The following VGLL4 variants were observed in gnomAD, a reference collection of about 807,000 sequenced individuals.
VGLL4 encodes vestigial like family member 4, also known as transcription cofactor vestigial-like protein 4.
VGLL4 carries 7 observed loss-of-function variants against 21.0 expected under a neutral mutation model. That is an observed-to-expected ratio of 0.33 (90% CI 0.19 to 0.63). The LOEUF is 0.63. VGLL4 is among the 20% of genes least tolerant of loss of function. VGLL4 has a pLI of 0.78. For missense variants in VGLL4, 394 were observed against 425.7 expected, an observed-to-expected ratio of 0.93 and a Z score of 0.66; for synonymous variants, 222 against 173.2, an observed-to-expected ratio of 1.28 and a Z score of -2.21.
chr3:11,623,112 A>G (rs1401408189), intron 1 of VGLL4, among the ~76,000 whole-genome samples: 2 of 152,170 alleles, frequency 1.3e-5, no homozygotes, highest in Non-Finnish European at 2.9e-5. Flanking sequence ...CCTCATACAT[A>G]TCCAAATCCT....
At chr3:11,579,142 C>T (rs2074151235) in intron 2 of VGLL4, among the ~76,000 whole-genome samples, 1 of 149,830 alleles carries the variant, frequency 6.7e-6, no homozygotes. Flanking sequence ...TGAACTGCCT[C>T]TGAGCATCCA....
At chr3:11,617,090 T>TA (rs1306836169) in intron 1 of VGLL4, among the ~76,000 whole-genome samples, 1 of 152,196 alleles carries the variant, frequency 6.6e-6, no homozygotes, top group South Asian at 2.1e-4. Flanking sequence ...TTTATTTTTT[T>TA]AAAAAAAGAG....
rs537894147 is a variant in VGLL4, at chr3:11,568,153, G to A, written c.273-3134C>T. ...TCCGGGCAAGGATAAAGACACCCCCGGGTGGCATGGAGGAGCAGACTAAAG... is the reference window on the plus strand; with the variant it reads ...TCCGGGCAAGGATAAAGACACCCCCAGGTGGCATGGAGGAGCAGACTAAAG... On this transcript the variant is annotated intron_variant, in intron 2 of 4. Coordinates refer to ENST00000430365, the MANE Select transcript of VGLL4 (RefSeq NM_001128219.3). This position sits in a 1 kb window ranked among gnomAD's most constrained non-coding sequence, Gnocchi z 5.9. Among the ~76,000 whole-genome samples, 5 of 152,200 alleles carry A rather than the reference G, an allele frequency of 3.3e-5. No homozygotes were observed. The highest frequency in any genetic ancestry group is 6.5e-5 in the Admixed American group (1 of 15,286).
intron 2 of VGLL4, chr3:11,671,242 A>G: frequency 6.4e-7 from 1 of 1,558,990 alleles, no homozygotes; most frequent in Non-Finnish European, 8.6e-7. Flanking sequence ...AAAATGTGAA[A>G]ATCAAAAGAA....
chr3:11,667,911 T>C (rs1271404593), intron 2 of VGLL4, among the ~76,000 whole-genome samples: 1 of 131,126 alleles, frequency 7.6e-6, no homozygotes, highest in African/African-American at 3.0e-5. Context: ...TAGAGTGAAG[T>C]GGCGTGATCT....
upstream of VGLL4, among the ~76,000 whole-genome samples, chr3:11,644,106 A>G (rs1354309188): frequency 1.3e-5 from 2 of 152,208 alleles, no homozygotes; most frequent in Non-Finnish European, 2.9e-5. Context: ...GGCTCTTGAC[A>G]GGAAGCAGCC....
At chr3:11,581,766 C>G (rs1212800757) in intron 2 of VGLL4, among the ~76,000 whole-genome samples, 1 of 152,132 alleles carries the variant, frequency 6.6e-6, no homozygotes, top group Non-Finnish European at 1.5e-5. Context: ...CTTTTATTTC[C>G]CTTGTAATTT....
intron 1 of VGLL4, chr3:11,610,811 T>C (rs2075046668): frequency 6.6e-6 from 1 of 152,252 alleles, no homozygotes; most frequent in African/African-American, 2.4e-5. Context: ...CTATACTTTG[T>C]AGAAGCCTTC....
rs141690478 is a variant in VGLL4, at chr3:11,702,374, C to T, written c.64+597G>A. 7.9e-3 allele frequency among the ~76,000 whole-genome samples: 1,183 copies of T among 149,850 alleles called. 15 individuals are homozygous for T. Among genetic ancestry groups the T allele is most frequent in the African/African-American group, 0.028 (1,124 of 40,588 alleles). On this transcript the variant is annotated intron_variant, in intron 2 of 5. Transcript: ENST00000273038. Reference sequence around the variant, plus strand: ...TGTGTAATCCCAGAATTTTGGGAGGCCGAGGTAGACGGATCATTTGAGGTC... The same window carrying T: ...TGTGTAATCCCAGAATTTTGGGAGGTCGAGGTAGACGGATCATTTGAGGTC...
chr3:11,558,534 G>A lies in VGLL4; in HGVS notation c.*22C>T, dbSNP rs1301228010. On this transcript the variant is annotated 3_prime_UTR_variant, in exon 5 of 5. Coordinates refer to ENST00000430365, the MANE Select transcript of VGLL4 (RefSeq NM_001128219.3). Reference sequence around the variant, plus strand: ...TCAGGCAAACCATGCAGATCCACGTGTTGTTGGAGGAGGCGCTCCCTTCAG... The same window carrying A: ...TCAGGCAAACCATGCAGATCCACGTATTGTTGGAGGAGGCGCTCCCTTCAG... The A allele has an allele frequency of 6.3e-7, 1 of 1,581,004 alleles. No individual in the cohort carries two copies. The highest frequency in any genetic ancestry group is 8.6e-7 in the Non-Finnish European group (1 of 1,169,296).
chr3:11,644,045 G>A (rs1575489005), upstream of VGLL4: 2 of 960,864 alleles, frequency 2.1e-6, no homozygotes, highest in East Asian at 2.3e-4. Flanking sequence ...GTGTTGGAAA[G>A]AAAGAGAAAG....
At position 11,568,481 on chromosome 3, in the gene VGLL4, C is replaced by T; in HGVS notation, c.273-3462G>A. On this transcript the variant is annotated intron_variant, in intron 2 of 4. Coordinates refer to ENST00000430365, the MANE Select transcript of VGLL4 (RefSeq NM_001128219.3). This position sits in a 1 kb window ranked among gnomAD's most constrained non-coding sequence, Gnocchi z 5.9. ...AGAAGGGGACTTCCAGGCCCACTAA[C>T]TGGAAAGACAGTCCGTGGAACACAG... 1 of 1,372,200 alleles carries T rather than the reference C, an allele frequency of 7.3e-7. No individual in the cohort carries two copies. The highest frequency in any genetic ancestry group is 1.0e-6 in the Non-Finnish European group (1 of 992,384). The allele number at this position is 1,372,200 out of a possible 1,614,324, so 85.0% of individuals were successfully genotyped here. A position where few individuals can be genotyped will look rare whatever the true frequency, so the allele number is the denominator to read the frequency against.
intron 2 of VGLL4, among the ~76,000 whole-genome samples, chr3:11,674,752 T>C (rs2076266825): frequency 6.6e-6 from 1 of 152,150 alleles, no homozygotes; most frequent in South Asian, 2.1e-4. Flanking sequence ...ATGGGTGTTA[T>C]GCTGTTCTGT....
chr3:11,635,603 C>T (rs11128560), intron 1 of VGLL4, among the ~76,000 whole-genome samples: 16,378 of 152,234 alleles, frequency 0.11, 1,185 homozygotes, highest in South Asian at 0.22. Context: ...ACACCAAGAG[C>T]GCAATGCTTG....
At chr3:11,677,570 C>T (rs957073959) in intron 2 of VGLL4, among the ~76,000 whole-genome samples, 7 of 152,096 alleles carry the variant, frequency 4.6e-5, no homozygotes. Context: ...CCACCGCACC[C>T]AGCCCAGATT....
At chr3:11,641,755 C>A (rs2075691608) in intron 1 of VGLL4, among the ~76,000 whole-genome samples, 1 of 152,038 alleles carries the variant, frequency 6.6e-6, no homozygotes, top group Admixed American at 6.6e-5. Context: ...TCCCAAATAC[C>A]GAGAGAGAAG....
chr3:11,557,084 G>T lies in VGLL4; in HGVS notation c.*1472C>A, dbSNP rs924827471. On this transcript the variant is annotated 3_prime_UTR_variant, in exon 5 of 5. Transcript: ENST00000430365. ...CCACGTCACCTGGTCAGGTGCCATCGTCGTGAGCCTCTGGTGGGCCAGGTG... is the reference window on the plus strand; with the variant it reads ...CCACGTCACCTGGTCAGGTGCCATCTTCGTGAGCCTCTGGTGGGCCAGGTG... 2.0e-5 allele frequency: 3 copies of T among 152,600 alleles called. No individual in the cohort carries two copies. The highest frequency in any genetic ancestry group is 1.3e-4 in the Admixed American group (2 of 15,298). The allele number at this position is 152,600 out of a possible 1,614,324, so 9.5% of individuals were successfully genotyped here. A position where few individuals can be genotyped will look rare whatever the true frequency, so the allele number is the denominator to read the frequency against.
chr3:11,664,018 AAGGC>A (rs2076073399), intron 2 of VGLL4, among the ~76,000 whole-genome samples: 1 of 152,084 alleles, frequency 6.6e-6, no homozygotes, highest in Non-Finnish European at 1.5e-5. Flanking sequence ...TTGGGAGTCC[AAGGC>A]GGGAGGATCA....
At chr3:11,660,238 G>A (rs116444294) in intron 2 of VGLL4, among the ~76,000 whole-genome samples, 1 of 152,098 alleles carries the variant, frequency 6.6e-6, no homozygotes, top group Non-Finnish European at 1.5e-5. Context: ...TTCTGCCACA[G>A]ACTGGCTGCG....
Sources: gnomAD v4.1 joint callset for allele counts (sites outside exome capture counted in the v4.1 genomes callset) on GRCh38, gnomAD v4.1.1 for gene constraint, Gnocchi (gnomAD v3.1) non-coding constraint, MANE v1.5 for transcripts, NCBI Gene and HGNC (gene_info 2026-07-23, HGNC 2026-07-21) for gene names.